Variants in DGKH observed in about 807,000 individuals in gnomAD.
DGKH encodes DAG kinase eta.
In DGKH, 90 loss-of-function variants were observed where a neutral mutation model predicts 159.3. The observed-to-expected ratio is 0.57, with a 90% confidence interval of 0.48 to 0.67. The LOEUF (loss-of-function observed/expected upper bound fraction) is 0.67, where lower values mean the gene tolerates loss of function less well. Ranked by LOEUF, DGKH falls within the 30% of genes least tolerant of loss-of-function variation. The pLI, the probability that DGKH is intolerant of heterozygous loss-of-function variation, is 0.00. For missense variants in DGKH, 1,181 were observed against 1,506.1 expected (o/e 0.78, Z 3.57); for synonymous variants, 536 against 553.8 (o/e 0.97, Z 0.45).
chr13:42,055,480 A>C (rs1881685755), intron 1 of DGKH, among the ~76,000 whole-genome samples: 1 of 152,212 alleles, frequency 6.6e-6, no homozygotes, highest in African/African-American at 2.4e-5. Context: ...TAATTTACTA[A>C]ACCTTTACAT....
chr13:42,154,763 G>A (rs1229928370), intron 3 of DGKH, among the ~76,000 whole-genome samples: 1 of 151,722 alleles, frequency 6.6e-6, no homozygotes, highest in Non-Finnish European at 1.5e-5. Context: ...TTAGGTGGCC[G>A]GGCGCAGTGG....
rs1958385233 is a variant in DGKH, at chr13:42,234,953, A to T, written c.*5765A>T. ...GGTTTTTATAATACACAAAGCATTA[A>T]TTTTTTCTTATCTTATTTTCTCTTT... On this transcript the variant is annotated 3_prime_UTR_variant, in exon 30 of 30. Transcript: ENST00000337343. The T allele has an allele frequency of 6.6e-6, 1 of 152,088 alleles. No homozygotes were observed. The highest frequency in any genetic ancestry group is 2.1e-4 in the South Asian group (1 of 4,828). The allele number at this position is 152,088 out of a possible 1,614,324, so 9.4% of individuals were successfully genotyped here. A position where few individuals can be genotyped will look rare whatever the true frequency, so the allele number is the denominator to read the frequency against.
chr13:42,128,904 G>A (rs1391342452), intron 2 of DGKH, among the ~76,000 whole-genome samples: 3 of 152,140 alleles, frequency 2.0e-5, no homozygotes, highest in Non-Finnish European at 4.4e-5. Context: ...CAGTTCTTGC[G>A]GTGCACCGTT....
chr13:42,067,010 T>G (rs1295875831), intron 1 of DGKH, among the ~76,000 whole-genome samples: 1 of 152,106 alleles, frequency 6.6e-6, no homozygotes, highest in Non-Finnish European at 1.5e-5. Context: ...TCATATATAT[T>G]GTTAATATAT....
chr13:42,256,181 G>T, intron 30 of DGKH: 1 of 1,223,110 alleles, frequency 8.2e-7, no homozygotes, highest in Non-Finnish European at 1.2e-6. Context: ...TCATGTTGCT[G>T]TAACAGTTGG....
At chr13:42,191,240 A>T (rs1232524347) in intron 16 of DGKH, among the ~76,000 whole-genome samples, 1 of 152,218 alleles carries the variant, frequency 6.6e-6, no homozygotes, top group Non-Finnish European at 1.5e-5. Context: ...ATTAATGAAG[A>T]TGAGACAATA....
At chr13:42,078,822 T>C (rs1418763021) in intron 1 of DGKH, among the ~76,000 whole-genome samples, 1 of 151,842 alleles carries the variant, frequency 6.6e-6, no homozygotes, top group Non-Finnish European at 1.5e-5. Flanking sequence ...ATAGATATTT[T>C]AAAAGTAATT....
In DGKH at chr13:42,199,808, T is replaced by A. The variant is rs1202910681; in HGVS notation, c.2397-5T>A. On this transcript the variant is annotated splice_region_variant and splice_polypyrimidine_tract_variant and intron_variant, in intron 19 of 29. Transcript: ENST00000337343. ...CTGAAATTGCCTGCCAATATTTATT[T>A]TCAGGAGCCGAACTAAAAACTTGAT... 2 of 1,596,614 alleles carry A rather than the reference T, an allele frequency of 1.3e-6. No individual in the cohort carries two copies. Among genetic ancestry groups the A allele is most frequent in the African/African-American group, 2.7e-5 (2 of 73,852 alleles).
chr13:42,199,984 C>A, intron 20 of DGKH, 75 bp downstream of exon 20: 1 of 1,273,818 alleles, frequency 7.9e-7, no homozygotes, highest in Non-Finnish European at 1.1e-6. Flanking sequence ...CTAATTTGAC[C>A]TAAATGCGTT....
At chr13:42,145,698 T>C (rs977086524) in intron 3 of DGKH, among the ~76,000 whole-genome samples, 1 of 152,170 alleles carries the variant, frequency 6.6e-6, no homozygotes, top group Non-Finnish European at 1.5e-5. Context: ...TGCCTAGTGA[T>C]GTAGTTTTTT....
At chr13:42,254,157 T>C (rs1220171242) in intron 30 of DGKH, among the ~76,000 whole-genome samples, 1 of 152,192 alleles carries the variant, frequency 6.6e-6, no homozygotes, top group Non-Finnish European at 1.5e-5. Flanking sequence ...AATTCCACTC[T>C]TAGAATCTAT....
intron 1 of DGKH, among the ~76,000 whole-genome samples, chr13:42,097,430 G>A (rs751126793): frequency 1.3e-5 from 2 of 152,084 alleles, no homozygotes; most frequent in Non-Finnish European, 2.9e-5. Flanking sequence ...GCCTGTGTCC[G>A]TCACTGTTTA....
intron 1 of DGKH, among the ~76,000 whole-genome samples, chr13:42,112,623 G>A (rs956842503): frequency 6.6e-6 from 1 of 152,176 alleles, no homozygotes. Context: ...AACTACTCCT[G>A]GTGGCAGTTT....
At chr13:42,045,515 T>C (rs183203624), upstream of DGKH, among the ~76,000 whole-genome samples, 5 of 152,328 alleles carry the variant, frequency 3.3e-5, no homozygotes, top group East Asian at 9.6e-4. Context: ...TGACCATATG[T>C]ATATGCAGTT....
chr13:42,142,209 T>C (rs1382321040), intron 3 of DGKH, among the ~76,000 whole-genome samples: 13 of 152,248 alleles, frequency 8.5e-5, no homozygotes, highest in Admixed American at 8.5e-4. Flanking sequence ...TGGTTGTAGA[T>C]ATGTGGCATT....
At chr13:42,208,257 G>T (rs1398678572) in intron 21 of DGKH, among the ~76,000 whole-genome samples, 1 of 152,102 alleles carries the variant, frequency 6.6e-6, no homozygotes, top group Non-Finnish European at 1.5e-5. Context: ...AATTGTTTCA[G>T]ATGCATATTA....
chr13:42,172,741 T>C (rs1265900147), intron 11 of DGKH, among the ~76,000 whole-genome samples: 1 of 152,190 alleles, frequency 6.6e-6, no homozygotes, highest in African/African-American at 2.4e-5. Flanking sequence ...TGGCATGATC[T>C]TGGCTCACTG....
At chr13:42,082,525 C>T (rs1332939608) in intron 1 of DGKH, among the ~76,000 whole-genome samples, 3 of 152,030 alleles carry the variant, frequency 2.0e-5, no homozygotes, top group Non-Finnish European at 4.4e-5. Flanking sequence ...AGACAAAGAC[C>T]CATTTTCTTT....
At chr13:42,160,160 T>G (rs1956145583) in intron 7 of DGKH, 24 bp downstream of exon 7, 2 of 1,613,896 alleles carry the variant, frequency 1.2e-6, no homozygotes, top group Non-Finnish European at 1.7e-6. Flanking sequence ...AATCAGTTCA[T>G]CCTTTTTAAT....
Sources: gnomAD v4.1 joint callset for allele counts (sites outside exome capture counted in the v4.1 genomes callset) on GRCh38, gnomAD v4.1.1 for gene constraint, MANE v1.5 for transcripts, NCBI Gene and HGNC (gene_info 2026-07-23, HGNC 2026-07-21) for gene names.